CRHR2: variants seen among roughly 807,000 people sequenced by gnomAD.
CRHR2 encodes corticotropin-releasing hormone receptor 2.
A neutral mutation model predicts 57.9 loss-of-function variants in CRHR2; 53 were observed. That is an observed-to-expected ratio of 0.92 (90% CI 0.73 to 1.15). The LOEUF (loss-of-function observed/expected upper bound fraction) is 1.15. Among genes scored for constraint, CRHR2 ranks in the 50% most tolerant of loss-of-function variants. The pLI is 0.00. For synonymous variants in CRHR2, 213 were observed against 220.9 expected (o/e 0.96, Z 0.32); for missense variants, 532 against 542.6 (o/e 0.98, Z 0.19).
At chr7:30,686,811 G>A (rs1004140706), upstream of CRHR2, among the ~76,000 whole-genome samples, 3 of 152,112 alleles carry the variant, frequency 2.0e-5, no homozygotes, top group Non-Finnish European at 4.4e-5. Context: ...TTTTGCATGC[G>A]TTGCCTTTTT....
In CRHR2 at chr7:30,682,425, G is replaced by A; in HGVS notation, c.-145C>T. On this transcript the variant is annotated 5_prime_UTR_variant, in exon 1 of 12. Coordinates refer to ENST00000471646, the MANE Select transcript of CRHR2 (RefSeq NM_001883.5). ...CCCCGATCTCCCGGGCAGCCTTTGG[G>A]CGCCACCTCCGGTCGCCCAGAGCTG... 1 of 1,358,128 alleles carries A rather than the reference G, an allele frequency of 7.4e-7. No homozygotes were observed. Among genetic ancestry groups the A allele is most frequent in the Non-Finnish European group, 9.4e-7 (1 of 1,062,418 alleles). 84.1% of individuals were successfully genotyped at this position (1,358,128 alleles called of 1,614,324 possible).
chr7:30,655,230 G>T, intron 10 of CRHR2, 150 bp from the exon 11 acceptor site: 1 of 886,524 alleles, frequency 1.1e-6, no homozygotes, highest in Non-Finnish European at 1.7e-6. Context: ...CTAGCCTCAG[G>T]GTGCAGATAT....
chr7:30,662,789 CAGA>C lies in CRHR2; in HGVS notation c.599_601del (p.Phe200del), dbSNP rs1368385151. On this transcript the variant is annotated inframe_deletion, in exon 6 of 12. Transcript: ENST00000471646. ...CAGGTAGCAGCCTTCCACAAACATC[CAGA>C]AGAAGTTGGTCACCACGAAGTAGTT... 8.1e-6 allele frequency: 13 copies of C among 1,614,072 alleles called. No homozygotes were observed. In the Admixed American group the frequency reaches 1.0e-4, roughly 12 times the overall value.
intron 1 of CRHR2, among the ~76,000 whole-genome samples, chr7:30,699,310 G>A (rs73685772): frequency 0.016 from 2,450 of 152,252 alleles, 59 homozygotes; most frequent in African/African-American, 0.055. Flanking sequence ...GTGGCTGGAT[G>A]AAGCTCTGAG....
At chr7:30,668,918 G>C (rs1784269015) in intron 2 of CRHR2, among the ~76,000 whole-genome samples, 1 of 152,216 alleles carries the variant, frequency 6.6e-6, no homozygotes, top group Non-Finnish European at 1.5e-5. Flanking sequence ...AACTCCCCAG[G>C]TGGGATCTAA....
In CRHR2 at chr7:30,665,100, G is replaced by A. The variant is rs1175824595; in HGVS notation, c.513C>T (p.Leu171=). The part of the protein sequence containing the change: ...LRNVMWFLLQ[L]VDHEVHESNE... ...TGCTCTCGTGCACTTCATGGTCAAC[G>A]AGCTGCAGCAGGAACCACATGACAT... Residue 171 remains leucine, a synonymous_variant, in exon 5 of 12, where the codon CTC becomes CTT. Coordinates refer to ENST00000471646, the MANE Select transcript of CRHR2 (RefSeq NM_001883.5). The surrounding 1 kb of genome is among the most constrained non-coding windows in gnomAD (Gnocchi z 4.5). 1.1e-5 allele frequency: 18 copies of A among 1,613,844 alleles called. No homozygotes were observed. Among genetic ancestry groups the A allele is most frequent in the Non-Finnish European group, 1.4e-5 (16 of 1,180,002 alleles).
At chr7:30,699,895 T>G (rs1394352436) in intron 1 of CRHR2, 7 of 1,425,570 alleles carry the variant, frequency 4.9e-6, no homozygotes, top group Middle Eastern at 2.1e-4. Context: ...AGCTGGGAGC[T>G]CCGTGCTCCT....
Position 30,689,702 on chromosome 7 carries a change from G to T in CRHR2, c.-260-418C>A, listed in dbSNP as rs574707559. Among the ~76,000 whole-genome samples, 6 of 152,354 alleles carry T rather than the reference G, an allele frequency of 3.9e-5. No homozygotes were observed. The South Asian group carries it at 1.2e-3, about 32-fold the overall frequency. On this transcript the variant is annotated intron_variant, in intron 1 of 13. Transcript: ENST00000341843. ...CAGGCCCTGGCTGGGGGAACTGATG[G>T]GTGTCCTTCAGGTAGTCCCAGGCCA...
intron 9 of CRHR2, 101 bp from the exon 10 acceptor site, chr7:30,655,816 A>G (rs1783762697): frequency 1.3e-6 from 2 of 1,587,166 alleles, no homozygotes; most frequent in Admixed American, 1.7e-5. Context: ...CGGGAGCTTG[A>G]GCGAGCTCCC....
chr7:30,680,818 T>TTGTGTGTGTGTGTGTGTG (rs60568949), intron 2 of CRHR2, among the ~76,000 whole-genome samples: 24 of 145,478 alleles, frequency 1.6e-4, no homozygotes, highest in African/African-American at 5.7e-4. Context: ...TTCTGAAAGC[T>TTGTGTGTGTGTGTGTGTG]TGTGTGTGTG....
In CRHR2 at chr7:30,665,213, A is replaced by G; in HGVS notation, c.426-26T>C. On this transcript the variant is annotated intron_variant, in intron 4 of 11. Transcript: ENST00000471646. This position sits in a 1 kb window ranked among gnomAD's most constrained non-coding sequence, Gnocchi z 4.5. ...CTGTGGGAGGTGCAGGTCAGGGGTCAGCCAGGTTCAGGGGTCAACTGGGAC... is the reference window on the plus strand; with the variant it reads ...CTGTGGGAGGTGCAGGTCAGGGGTCGGCCAGGTTCAGGGGTCAACTGGGAC... 1 of 1,598,240 alleles carries G rather than the reference A, an allele frequency of 6.3e-7. No individual in the cohort carries two copies.
At position 30,682,269 on chromosome 7, in the gene CRHR2, T is replaced by C; in HGVS notation, c.12A>G (p.Ala4=). The part of the protein sequence containing the change: MDA[A]LLHSLLEANC... ...TGGCCTCCAGCAGGCTGTGGAGCAG[T>C]GCCGCGTCCATCGCGTCCCGCAGCC... is the stretch of plus-strand genomic sequence containing the variant. The change falls in exon 1 of 12, where the codon GCA becomes GCG. Residue 4 remains alanine (A), a synonymous_variant. Transcript: ENST00000471646. 6.3e-7 allele frequency: 1 copy of C among 1,576,150 alleles called. No individual in the cohort carries two copies.
upstream of CRHR2, among the ~76,000 whole-genome samples, chr7:30,686,892 G>T (rs1200894934): frequency 6.6e-6 from 1 of 152,104 alleles, no homozygotes; most frequent in East Asian, 1.9e-4. Flanking sequence ...ATTAGCCCAT[G>T]CATGGCTTAA....
At chr7:30,688,737 T>C (rs1584138900) in intron 2 of CRHR2, 1 of 451,948 alleles carries the variant, frequency 2.2e-6, no homozygotes, top group Admixed American at 2.4e-5. Context: ...TGGCTGGCCC[T>C]GACCCTGTGA....
chr7:30,691,325 C>A (rs1173859985), intron 1 of CRHR2, among the ~76,000 whole-genome samples: 1 of 152,244 alleles, frequency 6.6e-6, no homozygotes, highest in African/African-American at 2.4e-5. Context: ...CATGCAGTGT[C>A]CACGGTGCGC....
chr7:30,693,671 G>T (rs1396664240), intron 1 of CRHR2, among the ~76,000 whole-genome samples: 1 of 152,250 alleles, frequency 6.6e-6, no homozygotes, highest in Admixed American at 6.5e-5. Flanking sequence ...TTGGGAGAAT[G>T]AGAAGCCCTG....
chr7:30,676,902 C>G (rs1027395235), intron 2 of CRHR2, among the ~76,000 whole-genome samples: 1 of 152,248 alleles, frequency 6.6e-6, no homozygotes, highest in East Asian at 1.9e-4. Context: ...GCCCCTTCTT[C>G]CCCTGTCCTG....
chr7:30,697,074 G>A (rs1785073134), intron 1 of CRHR2, among the ~76,000 whole-genome samples: 1 of 152,368 alleles, frequency 6.6e-6, no homozygotes, highest in African/African-American at 2.4e-5. Flanking sequence ...GCTGGCAAAT[G>A]GCCCTGGAGC....
upstream of CRHR2, among the ~76,000 whole-genome samples, chr7:30,683,538 C>T (rs1784792364): frequency 6.6e-6 from 1 of 152,164 alleles, no homozygotes; most frequent in African/African-American, 2.4e-5. Flanking sequence ...GCTCGGGAAG[C>T]AGGGCCTGGG....
Sources: allele counts gnomAD v4.1 joint callset (sites outside exome capture counted in the v4.1 genomes callset), GRCh38; gene constraint gnomAD v4.1.1; non-coding constraint Gnocchi (gnomAD v3.1); transcripts MANE v1.5; gene names NCBI Gene and HGNC (gene_info 2026-07-23, HGNC 2026-07-21).